The following LOC128125822 variants were observed in gnomAD, a reference collection of about 807,000 sequenced individuals.
At chr6:63,580,255 TAGTA>T in the LOC128125822 span, 1 of 1,153,062 alleles carries the variant, frequency 8.7e-7, no homozygotes, top group Non-Finnish European at 1.3e-6. Flanking sequence ...CATGTTGGCT[TAGTA>T]AGTCTAATGA....
the LOC128125822 span, chr6:63,582,155 A>T: frequency 1.3e-5 from 2 of 152,080 alleles, no homozygotes; most frequent in South Asian, 4.2e-4. Flanking sequence ...TGTGATAGTA[A>T]TCACAAATTT....
the LOC128125822 span, chr6:63,578,881 A>G: frequency 1.3e-6 from 2 of 1,512,346 alleles, no homozygotes; most frequent in Admixed American, 2.3e-5. Context: ...AAATGTTTAA[A>G]TATTCTTCTG....
the LOC128125822 span, among the ~76,000 whole-genome samples, chr6:63,574,444 A>G: frequency 6.6e-6 from 1 of 152,162 alleles, no homozygotes; most frequent in African/African-American, 2.4e-5. Flanking sequence ...GGCGGAACAG[A>G]AATCTATCGG....
chr6:63,577,997 C>G, the LOC128125822 span, among the ~76,000 whole-genome samples: 1 of 126,710 alleles, frequency 7.9e-6, no homozygotes, highest in Non-Finnish European at 1.7e-5. Flanking sequence ...CAATGTAAAT[C>G]AGTAAAGTTT....
the LOC128125822 span, among the ~76,000 whole-genome samples, chr6:63,577,567 C>CT: frequency 4.6e-5 from 7 of 151,446 alleles, no homozygotes; most frequent in Non-Finnish European, 2.9e-5. Flanking sequence ...CTTTTTTTTC[C>CT]TTTTTTTGAG....
chr6:63,582,722 G>A, the LOC128125822 span: 1 of 152,182 alleles, frequency 6.6e-6, no homozygotes. Flanking sequence ...TGAATCATAA[G>A]AAAATGCCAT....
the LOC128125822 span, among the ~76,000 whole-genome samples, chr6:63,577,966 T>C: frequency 0.08 from 11,304 of 141,622 alleles, 471 homozygotes; most frequent in East Asian, 0.16. Context: ...TGGGCTTTTT[T>C]ACTGTAGTTA....
the LOC128125822 span, chr6:63,573,153 C>G: frequency 6.4e-6 from 1 of 156,320 alleles, no homozygotes; most frequent in Non-Finnish European, 1.4e-5. Flanking sequence ...CGCGGCGTCC[C>G]GGGGCCTCTT....
At chr6:63,578,830 A>AAATTTAG in the LOC128125822 span, 1 of 1,350,690 alleles carries the variant, frequency 7.4e-7, no homozygotes, top group South Asian at 1.7e-5. Context: ...TCCATGTTAG[A>AAATTTAG]AATTTAGAAT....
the LOC128125822 span, chr6:63,577,063 A>G: frequency 2.6e-6 from 3 of 1,162,986 alleles, no homozygotes; most frequent in South Asian, 4.2e-5. Context: ...AATAAAAACT[A>G]CTTTGGAAAA....
At chr6:63,581,477 ATTAAC>A in the LOC128125822 span, 4 of 152,608 alleles carry the variant, frequency 2.6e-5, no homozygotes, top group African/African-American at 4.8e-5. Context: ...TTTGCTTAAA[ATTAAC>A]TTATTTTGTA....
chr6:63,573,561 TG>T, the LOC128125822 span: 1 of 152,220 alleles, frequency 6.6e-6, no homozygotes, highest in Admixed American at 6.5e-5. Flanking sequence ...GGCGGCCCTC[TG>T]GGGCATTCCG....
chr6:63,573,338 A>G, the LOC128125822 span: 10 of 151,582 alleles, frequency 6.6e-5, no homozygotes, highest in Admixed American at 2.0e-4. Context: ...GGTGGTAACG[A>G]TCTGGTTCCA....
At chr6:63,579,089 C>G in the LOC128125822 span, 4 of 1,466,536 alleles carry the variant, frequency 2.7e-6, no homozygotes, top group Non-Finnish European at 3.6e-6. Context: ...AATACAGAAA[C>G]TTGAAAAATT....
chr6:63,579,994 GA>G, the LOC128125822 span: 1 of 1,201,352 alleles, frequency 8.3e-7, no homozygotes, highest in African/African-American at 1.5e-5. Context: ...TTGTCTATAA[GA>G]CACTAAATAT....
At chr6:63,575,074 AATC>A in the LOC128125822 span, among the ~76,000 whole-genome samples, 3 of 152,224 alleles carry the variant, frequency 2.0e-5, no homozygotes, top group Non-Finnish European at 4.4e-5. Context: ...TTTCTGCAGT[AATC>A]ATCATAAGAA....
chr6:63,579,410 C>A, the LOC128125822 span: 1 of 960,126 alleles, frequency 1.0e-6, no homozygotes, highest in South Asian at 2.0e-5. Flanking sequence ...AGTCTAATAG[C>A]CCATTTAATC....
chr6:63,577,622 TCTC>T, the LOC128125822 span, among the ~76,000 whole-genome samples: 1 of 152,114 alleles, frequency 6.6e-6, no homozygotes, highest in Non-Finnish European at 1.5e-5. Flanking sequence ...AGTGGCATGA[TCTC>T]AGCCCACTGC....
chr6:63,576,716 T>G, the LOC128125822 span: 7 of 623,938 alleles, frequency 1.1e-5, no homozygotes, highest in Non-Finnish European at 1.7e-5. Context: ...CTGCTTCTTG[T>G]TAGGAGGTTC....
Sources: allele counts gnomAD v4.1 joint callset (sites outside exome capture counted in the v4.1 genomes callset), GRCh38; gene constraint gnomAD v4.1.1; transcripts MANE v1.5.